Variants in SGO2 observed in about 807,000 individuals in gnomAD.
SGO2 encodes the protein shugoshin 2.
In SGO2, 68 loss-of-function variants were observed where a neutral mutation model predicts 99.5. That is an observed-to-expected ratio of 0.68 (90% CI 0.56 to 0.84). The LOEUF (loss-of-function observed/expected upper bound fraction) is 0.84, where lower values mean the gene tolerates loss of function less well. Ranked by LOEUF, SGO2 falls within the 40% of genes least tolerant of loss-of-function variation. The pLI is 0.00. For missense variants in SGO2, 1,350 were observed against 1,436.7 expected (o/e 0.94, Z 0.97); for synonymous variants, 457 against 487.1 (o/e 0.94, Z 0.81).
In SGO2 at chr2:200,571,410, A is replaced by T; in HGVS notation, c.1064A>T (p.Gln355Leu). 6.2e-7 allele frequency: 1 copy of T among 1,609,478 alleles called. No individual in the cohort carries two copies. The highest frequency in any genetic ancestry group is 2.2e-5 in the East Asian group (1 of 44,758). ...CAAATTGAGGATAATGATGACTTTC[A>T]ATTGCAGAAAACTGTGTATGATGCT... is the stretch of plus-strand genomic sequence containing the variant. ...MNQIEDNDDFQLQKTVYDADM... is the reference protein window; with the variant it reads ...MNQIEDNDDFLLQKTVYDADM... Residue 355 changes from glutamine to leucine, a missense_variant, in exon 7 of 9, where the codon CAA becomes CTA. Coordinates refer to ENST00000357799, the MANE Select transcript of SGO2 (RefSeq NM_152524.6).
chr2:200,545,393 C>T, intron 5 of SGO2, among the ~76,000 whole-genome samples: 1 of 152,256 alleles, frequency 6.6e-6, no homozygotes, highest in East Asian at 1.9e-4. Flanking sequence ...TTATGAAATC[C>T]AACTTTGTTT....
rs755604176 is a variant in SGO2 at position 200,572,780 on chromosome 2, G to T, written c.2434G>T (p.Val812Leu). The change falls in exon 7 of 9, where the codon GTA becomes TTA. Residue 812 changes from valine (V) to leucine (L), a missense_variant. Transcript: ENST00000357799. ...AATAGGTAAGAAGCCTAGACTAAAT[G>T]TATGTCAAAAGTCAGAAATAATTCC... ...SKIGKKPRLN[V>L]CQKSEIIPET... 6.2e-7 allele frequency: 1 copy of T among 1,612,930 alleles called. No individual in the cohort carries two copies. The highest frequency in any genetic ancestry group is 8.5e-7 in the Non-Finnish European group (1 of 1,179,384).
rs1393762788 is a variant in SGO2 at position 200,554,380 on chromosome 2, G to T, written c.473+11716G>T. ...TCATGAACATTTCCACTCTCCATGA[G>T]TACTGGAAGTTTTTTCCTCTATTCT... On this transcript the variant is annotated intron_variant, in intron 5 of 8. Transcript: ENST00000357799. Among the ~76,000 whole-genome samples, 5 of 152,144 alleles carry T rather than the reference G, an allele frequency of 3.3e-5. No homozygotes were observed. In the East Asian group the frequency reaches 9.6e-4, roughly 29 times the overall value.
chr2:200,562,011 G>T lies in SGO2; in HGVS notation c.474-7652G>T, dbSNP rs182441432. ...TTTTCTCCCATTTTGTAGGTTGCCT[G>T]TTCACTCTGATGGTAGTTTCTTTTG... On this transcript the variant is annotated intron_variant, in intron 5 of 8. Transcript: ENST00000357799. 4.3e-3 allele frequency among the ~76,000 whole-genome samples: 656 copies of T among 152,266 alleles called. 4 individuals are homozygous for T. The highest frequency in any genetic ancestry group is 0.015 in the African/African-American group (630 of 41,514).
rs1050504422 is a variant in SGO2 at position 200,562,467 on chromosome 2, G to A, written c.474-7196G>A. ...CTGTTTTGGTTGCTGTAGCCTTGTA[G>A]TATTGTTTGAAGTCAGGTAGCGTGA... On this transcript the variant is annotated intron_variant, in intron 5 of 8. Transcript: ENST00000357799. Among the ~76,000 whole-genome samples, 146 of 152,314 alleles carry A rather than the reference G, an allele frequency of 9.6e-4. 1 individual carries two copies. Among genetic ancestry groups the A allele is most frequent in the African/African-American group, 3.4e-3 (143 of 41,568 alleles).
rs1489956613 is a variant in SGO2, at chr2:200,571,376, T to C, written c.1030T>C (p.Cys344Arg). The C allele has an allele frequency of 1.9e-6, 3 of 1,611,032 alleles. No individual in the cohort carries two copies. Among genetic ancestry groups the C allele is most frequent in the Non-Finnish European group, 2.5e-6 (3 of 1,177,864 alleles). ...GTCTGCCAGAGAACCTAATGCAGAG[T>C]GCATGAATCAAATTGAGGATAATGA... ...SESAREPNAE[C>R]MNQIEDNDDF... Residue 344 changes from cysteine (C) to arginine (R), a missense_variant, in exon 7 of 9, where the codon TGC becomes CGC. Transcript: ENST00000357799.
chr2:200,562,219 G>T (rs1247558812), intron 5 of SGO2, among the ~76,000 whole-genome samples: 3 of 152,054 alleles, frequency 2.0e-5, no homozygotes, highest in African/African-American at 7.2e-5. Flanking sequence ...AATCCATCTT[G>T]AATTAATTTT....
At chr2:200,550,216 A>C (rs955743477) in intron 5 of SGO2, among the ~76,000 whole-genome samples, 2 of 152,220 alleles carry the variant, frequency 1.3e-5, no homozygotes, top group Non-Finnish European at 2.9e-5. Flanking sequence ...CAAAAAAGGG[A>C]AGATATTCCA....
rs879143922 is a variant in SGO2, at chr2:200,572,520, A to G, written c.2174A>G (p.Glu725Gly). 6.2e-7 allele frequency: 1 copy of G among 1,612,354 alleles called. No homozygotes were observed. Among genetic ancestry groups the G allele is most frequent in the South Asian group, 1.1e-5 (1 of 90,930 alleles). The change falls in exon 7 of 9, where the codon GAA (glutamate) becomes GGA (glycine). Residue 725 changes from glutamate (E) to glycine (G), a missense_variant. By Grantham distance (98) the Glu-to-Gly change is moderately conservative (BLOSUM62 -2). Transcript: ENST00000357799. ...AATCGGAAGACAGAAATAATTTCTG[A>G]AGTGAATCATTTAGATAATGACAAA... ...KVNRKTEIIS[E>G]VNHLDNDKSI... is the part of the protein sequence containing the mutation.
At position 200,571,974 on chromosome 2, in the gene SGO2, T is replaced by C. The variant is rs779037288; in HGVS notation, c.1628T>C (p.Leu543Ser). 1 of 1,608,828 alleles carries C rather than the reference T, an allele frequency of 6.2e-7. No homozygotes were observed. The highest frequency in any genetic ancestry group is 1.1e-5 in the South Asian group (1 of 89,526). Reference sequence around the variant, plus strand: ...AGACAGACATTTGTGATTCACAAATTAGAAAAAGATAACTTACTCCCAAAC... The same window carrying C: ...AGACAGACATTTGTGATTCACAAATCAGAAAAAGATAACTTACTCCCAAAC... ...ASRQTFVIHK[L>S]EKDNLLPNQK... The change falls in exon 7 of 9, where the codon TTA becomes TCA. Residue 543 changes from leucine to serine, a missense_variant. By Grantham distance (145) the Leu-to-Ser change is moderately radical. Coordinates refer to ENST00000357799, the MANE Select transcript of SGO2 (RefSeq NM_152524.6).
chr2:200,576,502 G>A (rs1024459917), intron 8 of SGO2, among the ~76,000 whole-genome samples: 3 of 152,104 alleles, frequency 2.0e-5, no homozygotes, highest in African/African-American at 7.2e-5. Context: ...CCTTGAATTC[G>A]GAGGCAGATG....
chr2:200,567,896 T>G (rs1372145409), intron 5 of SGO2, among the ~76,000 whole-genome samples: 1 of 152,254 alleles, frequency 6.6e-6, no homozygotes, highest in East Asian at 1.9e-4. Flanking sequence ...TTTTGGCTAT[T>G]ATGAATAATG....
chr2:200,580,444 T>A (rs1489117390), intron 8 of SGO2: 5 of 426,986 alleles, frequency 1.2e-5, no homozygotes, highest in African/African-American at 1.1e-4. Context: ...GCTTCATATT[T>A]ATTATTTCCT....
At chr2:200,536,431 G>GTAGAAAGA (rs1454556978) in intron 4 of SGO2, among the ~76,000 whole-genome samples, 3 of 152,130 alleles carry the variant, frequency 2.0e-5, no homozygotes, top group Non-Finnish European at 4.4e-5. Flanking sequence ...TAGAAAGGAA[G>GTAGAAAGA]CATTTTAAGT....
At chr2:200,533,248 C>A in intron 2 of SGO2, 140 bp downstream of exon 2, 1 of 882,422 alleles carries the variant, frequency 1.1e-6, no homozygotes, top group Non-Finnish European at 1.7e-6. Context: ...AAATTTGATC[C>A]TTCCTATCTC....
Position 200,573,212 on chromosome 2 carries a change from G to A in SGO2, c.2866G>A (p.Asp956Asn). 6.3e-7 allele frequency: 1 copy of A among 1,577,456 alleles called. No homozygotes were observed. Among genetic ancestry groups the A allele is most frequent in the Non-Finnish European group, 8.5e-7 (1 of 1,170,064 alleles). Residue 956 changes from aspartate (D) to asparagine (N), a missense_variant, in exon 7 of 9, where the codon GAC becomes AAC. By Grantham distance (23) the Asp-to-Asn change is conservative. Coordinates refer to ENST00000357799, the MANE Select transcript of SGO2 (RefSeq NM_152524.6). Reference protein sequence around the residue: ...NKSKQKLECQDIINKHYMEVN... With the variant: ...NKSKQKLECQNIINKHYMEVN... Reference sequence around the variant, plus strand: ...ATCTAAACAAAAACTTGAATGCCAAGACATTATCAATAAACACTATATGGA... The same window carrying A: ...ATCTAAACAAAAACTTGAATGCCAAAACATTATCAATAAACACTATATGGA...
At chr2:200,533,234 T>C (rs2031506865) in intron 2 of SGO2, 126 bp downstream of exon 2, 1 of 1,097,490 alleles carries the variant, frequency 9.1e-7, no homozygotes, top group Non-Finnish European at 1.3e-6. Context: ...ACTGATAACT[T>C]TTTAAATTTG....
rs374694572 is a variant in SGO2, at chr2:200,527,760, A to G, written c.-3+1508A>G. 2.5e-4 allele frequency among the ~76,000 whole-genome samples: 38 copies of G among 152,358 alleles called. 1 individual carries two copies. The highest frequency in any genetic ancestry group is 3.4e-3 in the Middle Eastern group (1 of 294). On this transcript the variant is annotated intron_variant, in intron 1 of 8. Coordinates refer to ENST00000357799, the MANE Select transcript of SGO2 (RefSeq NM_152524.6). ...AGGTACAGAAGCAAACAAATTTGAC[A>G]AAAGTTTATGCCCTCATTGAACTTA...
intron 4 of SGO2, among the ~76,000 whole-genome samples, chr2:200,539,047 T>C (rs1244091489): frequency 6.6e-6 from 1 of 152,114 alleles, no homozygotes; most frequent in Non-Finnish European, 1.5e-5. Flanking sequence ...TGTTTTACTT[T>C]TTCTATGTTC....
Sources: gnomAD v4.1 joint callset for allele counts (sites outside exome capture counted in the v4.1 genomes callset) on GRCh38, gnomAD v4.1.1 for gene constraint, MANE v1.5 for transcripts, NCBI Gene and HGNC (gene_info 2026-07-23, HGNC 2026-07-21) for gene names.